Variants in FN3K observed in about 807,000 individuals in gnomAD.
The protein encoded by FN3K is fructosamine-3-kinase.
Under a neutral mutation model 24.8 loss-of-function variants are expected in FN3K, and 24 were observed. The ratio of observed to expected loss-of-function variants is 0.97; its 90% confidence interval spans 0.70 to 1.36. The LOEUF (loss-of-function observed/expected upper bound fraction) is 1.36. Ranked by LOEUF, FN3K falls within the 40% of genes most tolerant of loss-of-function variation. The pLI is 0.00. For synonymous variants in FN3K, 192 were observed against 175.2 expected, an observed-to-expected ratio of 1.10 and a Z score of -0.76; for missense variants, 449 against 416.7, an observed-to-expected ratio of 1.08 and a Z score of -0.67.
intron 2 of FN3K, 86 bp from the exon 3 acceptor site, chr17:82,740,677 A>C: frequency 1.1e-6 from 1 of 898,786 alleles, no homozygotes. Flanking sequence ...TTTTCAATGT[A>C]TTTAAACCTT....
chr17:82,741,552 C>A, intron 4 of FN3K, 159 bp downstream of exon 4: 1 of 663,160 alleles, frequency 1.5e-6, no homozygotes, highest in Non-Finnish European at 2.6e-6. Flanking sequence ...AGAGCAGACG[C>A]TGAGGGTCAC....
chr17:82,747,158 G>T (rs548624273), intron 4 of FN3K, among the ~76,000 whole-genome samples: 5 of 152,080 alleles, frequency 3.3e-5, no homozygotes. Flanking sequence ...CTCTTTTTCT[G>T]GTTGGTTAAT....
intron 5 of FN3K, chr17:82,749,220 C>T (rs1434092658): frequency 3.4e-6 from 2 of 586,110 alleles, no homozygotes; most frequent in Non-Finnish European, 6.1e-6. Flanking sequence ...TATTTAGCCT[C>T]AGACTTTCCT....
rs372026001 is a variant in FN3K, at chr17:82,748,900, C to T, written c.514C>T (p.Arg172Trp). 30 of 1,613,800 alleles carry T rather than the reference C, an allele frequency of 1.9e-5. No individual in the cohort carries two copies. The highest frequency in any genetic ancestry group is 2.3e-5 in the Non-Finnish European group (27 of 1,180,012). The change falls in exon 5 of 6, where the codon CGG (arginine) becomes TGG (tryptophan). Residue 172 changes from arginine (R) to tryptophan (W), a missense_variant. By Grantham distance (101) the Arg-to-Trp change is moderately radical. Transcript: ENST00000300784. The stretch of plus-strand genomic sequence containing the variant: ...CTGGCCGACCTTTTTCGCCCGGCAC[C>T]GGCTCCAGGCGCAGCTGGACCTCAT... ...DDWPTFFARH[R>W]LQAQLDLIEK...
chr17:82,750,237 TAA>T (rs1000744406), intron 5 of FN3K, among the ~76,000 whole-genome samples, 178 bp from the exon 6 acceptor site: 4 of 152,292 alleles, frequency 2.6e-5, no homozygotes, highest in Admixed American at 1.3e-4. Context: ...GAGGAAATCC[TAA>T]GTTAGACAAA....
intron 1 of FN3K, chr17:82,736,425 A>C (rs563787336): frequency 6.6e-6 from 1 of 152,198 alleles, no homozygotes; most frequent in South Asian, 2.1e-4. Context: ...AATCCCAGCT[A>C]CTCGGGAGGC....
At chr17:82,740,420 C>CAAAAAAAA (rs71369031) in intron 2 of FN3K, among the ~76,000 whole-genome samples, 3 of 73,126 alleles carry the variant, frequency 4.1e-5, no homozygotes, top group Non-Finnish European at 4.9e-5. Flanking sequence ...CCCATCTCTA[C>CAAAAAAAA]AAAAAAAAAA....
At position 82,750,400 on chromosome 17, in the gene FN3K, A is replaced by T; in HGVS notation, c.592-17A>T. On this transcript the variant is annotated splice_polypyrimidine_tract_variant and intron_variant, in intron 5 of 5. Coordinates refer to ENST00000300784, the MANE Select transcript of FN3K (RefSeq NM_022158.4). ...GCTCCCAGAGGCCAGCGATAACTGC[A>T]GCCGTTGCTCTCGTAGGTGAAGATC... The T allele has an allele frequency of 6.2e-7, 1 of 1,611,084 alleles. No individual in the cohort carries two copies. The highest frequency in any genetic ancestry group is 8.5e-7 in the Non-Finnish European group (1 of 1,177,192).
chr17:82,740,817 G>C lies in FN3K; in HGVS notation c.348G>C (p.Lys116Asn), dbSNP rs1292330957. The C allele has an allele frequency of 6.2e-7, 1 of 1,613,734 alleles. No homozygotes were observed. The highest frequency in any genetic ancestry group is 1.7e-5 in the Admixed American group (1 of 59,992). Residue 116 changes from lysine to asparagine, a missense_variant, in exon 3 of 6, where the codon AAG becomes AAC. Physicochemically the swap from Lys to Asn is moderately conservative, Grantham distance 94. Coordinates refer to ENST00000300784, the MANE Select transcript of FN3K (RefSeq NM_022158.4). ...CAGATTTGCATCTTTACAACCAGAA[G>C]CTCAGGGAGAAGTTGAAGGAGGAGG... is the stretch of plus-strand genomic sequence containing the variant. ...QMADLHLYNQ[K>N]LREKLKEEEN...
At chr17:82,737,989 T>C (rs12941348) in intron 1 of FN3K, 332 of 160,184 alleles carry the variant, frequency 2.1e-3, no homozygotes, top group Non-Finnish European at 3.4e-3. Context: ...GCCGGCCGGG[T>C]GTGCCGTGCC....
Position 82,750,768 on chromosome 17 carries a change from T to TC in FN3K, c.*16dup. On this transcript the variant is annotated 3_prime_UTR_variant, in exon 6 of 6. Transcript: ENST00000300784. ...GCTGCTCAAGTAGCGGCCCCTGCCC[T>TC]CCCTTCCCCTGTCCCCGTCCCCGTC... 1 of 1,597,934 alleles carries TC rather than the reference T, an allele frequency of 6.3e-7. No individual in the cohort carries two copies.
rs552526281 is a variant in FN3K, at chr17:82,750,691, G to T, written c.866G>T (p.Trp289Leu). The T allele has an allele frequency of 6.2e-7, 1 of 1,613,814 alleles. No individual in the cohort carries two copies. Among genetic ancestry groups the T allele is most frequent in the African/African-American group, 1.3e-5 (1 of 75,008 alleles). ...CAGCTGTTTAACTACCTGAACCACTGGAACCACTTCGGGCGGGAGTACAGG... is the reference window on the plus strand; with the variant it reads ...CAGCTGTTTAACTACCTGAACCACTTGAACCACTTCGGGCGGGAGTACAGG... Reference protein sequence around the residue: ...LYQLFNYLNHWNHFGREYRSP... With the variant: ...LYQLFNYLNHLNHFGREYRSP... Residue 289 changes from tryptophan to leucine, a missense_variant, in exon 6 of 6, where the codon TGG becomes TTG. Transcript: ENST00000300784.
intron 5 of FN3K, chr17:82,749,988 G>T: frequency 4.7e-6 from 1 of 213,868 alleles, no homozygotes; most frequent in South Asian, 6.4e-5. Context: ...AATCCGGGAG[G>T]CGGAGGTTGC....
intron 4 of FN3K, chr17:82,742,494 A>C: frequency 2.9e-6 from 1 of 341,068 alleles, no homozygotes; most frequent in South Asian, 2.3e-5. Flanking sequence ...GATCTTTTGT[A>C]TCTTTCATTC....
At chr17:82,740,485 G>T (rs2046935174) in intron 2 of FN3K, among the ~76,000 whole-genome samples, 1 of 149,050 alleles carries the variant, frequency 6.7e-6, no homozygotes, top group South Asian at 2.1e-4. Context: ...CCAGCTAGTT[G>T]TGAGGCTGAG....
chr17:82,749,120 C>CG (rs778551687), intron 5 of FN3K, 143 bp downstream of exon 5: 1 of 1,256,896 alleles, frequency 8.0e-7, no homozygotes, highest in African/African-American at 1.5e-5. Context: ...GGGGCAGGGG[C>CG]GGGGGTTCCC....
chr17:82,740,598 G>GAAAGAA (rs2046935871), intron 2 of FN3K, among the ~76,000 whole-genome samples, 165 bp from the exon 3 acceptor site: 1 of 152,010 alleles, frequency 6.6e-6, no homozygotes, highest in Admixed American at 6.6e-5. Context: ...CCCCAGAAAA[G>GAAAGAA]AAAGAAAAAG....
rs2451219 is a variant in FN3K, at chr17:82,751,186, T to C, written c.*431T>C. 48,889 of 110,464 alleles carry C rather than the reference T, an allele frequency of 0.44. 10,975 individuals carry two copies. Among genetic ancestry groups the C allele is most frequent in the East Asian group, 0.54 (1,963 of 3,646 alleles). 6.8% of individuals were successfully genotyped at this position (110,464 alleles called of 1,614,324 possible). ...GGGGACCAATAAAGCCCGCAGCGGG[T>C]CTCGGCTGGCGTCCTGCGCCTCGTT... On this transcript the variant is annotated 3_prime_UTR_variant, in exon 6 of 6. Coordinates refer to ENST00000300784, the MANE Select transcript of FN3K (RefSeq NM_022158.4).
intron 2 of FN3K, 34 bp downstream of exon 2, chr17:82,738,674 G>A: frequency 1.9e-6 from 3 of 1,611,102 alleles, no homozygotes; most frequent in Non-Finnish European, 2.5e-6. Context: ...GCGCACATGT[G>A]TACAGGCAGA....
Sources: gnomAD v4.1 joint callset for allele counts (sites outside exome capture counted in the v4.1 genomes callset) on GRCh38, gnomAD v4.1.1 for gene constraint, MANE v1.5 for transcripts, NCBI Gene and HGNC (gene_info 2026-07-23, HGNC 2026-07-21) for gene names.